Variants in ANKS1A observed in about 807,000 individuals in gnomAD.
The protein encoded by ANKS1A is ankyrin repeat and sterile alpha motif domain containing 1A, also known as ankyrin repeat and SAM domain-containing protein 1A.
Under a neutral mutation model 120.3 loss-of-function variants are expected in ANKS1A, and 55 were observed. That is an observed-to-expected ratio of 0.46 (90% CI 0.37 to 0.57). ANKS1A has a LOEUF of 0.57. ANKS1A is among the 20% of genes least tolerant of loss of function. The pLI is 0.00. For missense variants in ANKS1A, 1,123 were observed against 1,480.3 expected, an observed-to-expected ratio of 0.76 and a Z score of 3.96; for synonymous variants, 590 against 604.7, an observed-to-expected ratio of 0.98 and a Z score of 0.36.
intron 11 of ANKS1A, among the ~76,000 whole-genome samples, chr6:35,033,671 A>G (rs1019599073): frequency 6.6e-6 from 1 of 152,218 alleles, no homozygotes; most frequent in African/African-American, 2.4e-5. Context: ...GCAGGAGCTT[A>G]GTGATGGATG....
At chr6:34,901,000 T>C (rs764416673) in intron 1 of ANKS1A, among the ~76,000 whole-genome samples, 2 of 152,198 alleles carry the variant, frequency 1.3e-5, no homozygotes, top group Non-Finnish European at 2.9e-5. Flanking sequence ...AATTCTCATC[T>C]CATGTAGGTG....
downstream of ANKS1A, among the ~76,000 whole-genome samples, chr6:35,095,664 A>G (rs1561978116): frequency 3.3e-5 from 5 of 151,196 alleles, no homozygotes; most frequent in East Asian, 7.7e-4. Flanking sequence ...AAAAAAAAAA[A>G]GCTGGAGAGA....
downstream of ANKS1A, among the ~76,000 whole-genome samples, chr6:35,094,111 A>G (rs1424387406): frequency 6.6e-6 from 1 of 152,240 alleles, no homozygotes; most frequent in Non-Finnish European, 1.5e-5. Flanking sequence ...CCAACCTGGC[A>G]GTAGTATGCT....
chr6:34,967,368 C>A (rs1286424038), intron 2 of ANKS1A, 49 bp downstream of exon 2: 4 of 1,574,454 alleles, frequency 2.5e-6, no homozygotes, highest in Non-Finnish European at 2.6e-6. Context: ...AGAACCCAGG[C>A]CTTCACGTTG....
chr6:34,969,575 T>C (rs2127511550), intron 2 of ANKS1A, among the ~76,000 whole-genome samples: 1 of 152,328 alleles, frequency 6.6e-6, no homozygotes, highest in South Asian at 2.1e-4. Context: ...TTTGTTCTGC[T>C]TGGCCTCTCT....
rs1331882501 is a variant in ANKS1A, at chr6:35,082,236, G to T, written c.2710-455G>T. Among the ~76,000 whole-genome samples, 3 of 151,784 alleles carry T rather than the reference G, an allele frequency of 2.0e-5. No individual in the cohort carries two copies. The highest frequency in any genetic ancestry group is 4.4e-5 in the Non-Finnish European group (3 of 67,952). ...GGATCCATTTGGAATGCATTCCTAG[G>T]CACGGGCGGGTGCTTCACTGGCTTC... On this transcript the variant is annotated intron_variant, in intron 17 of 23. Transcript: ENST00000360359. The surrounding 1 kb of genome is among the most constrained non-coding windows in gnomAD (Gnocchi z 4.1).
chr6:35,042,412 A>T (rs558619096), intron 11 of ANKS1A, among the ~76,000 whole-genome samples: 4 of 152,230 alleles, frequency 2.6e-5, no homozygotes, highest in Non-Finnish European at 4.4e-5. Context: ...CCTAAGAATC[A>T]GTTAAGGTGT....
intron 10 of ANKS1A, among the ~76,000 whole-genome samples, chr6:34,996,784 A>AT (rs891163500): frequency 1.1e-4 from 16 of 151,436 alleles, no homozygotes; most frequent in Non-Finnish European, 1.8e-4. Context: ...AATCTTTTCT[A>AT]TTTTTTTTGC....
At chr6:34,895,308 T>C (rs531208390) in intron 1 of ANKS1A, among the ~76,000 whole-genome samples, 4 of 152,110 alleles carry the variant, frequency 2.6e-5, no homozygotes, top group Non-Finnish European at 5.9e-5. Flanking sequence ...CTCATCCTCC[T>C]GAGCTATTGG....
At chr6:35,075,415 CT>C (rs747359283) in intron 13 of ANKS1A, among the ~76,000 whole-genome samples, 279 of 129,872 alleles carry the variant, frequency 2.1e-3, no homozygotes, top group African/African-American at 5.5e-3. Flanking sequence ...GGTTAATTTT[CT>C]TTTTTTTTTT....
Position 35,090,270 on chromosome 6 carries a change from G to A in ANKS1A, c.*1661G>A, listed in dbSNP as rs1468113422. The A allele has an allele frequency of 7.8e-7, 1 of 1,289,724 alleles. No homozygotes were observed. The highest frequency in any genetic ancestry group is 2.3e-5 in the Admixed American group (1 of 43,574). 79.9% of individuals were successfully genotyped at this position (1,289,724 alleles called of 1,614,324 possible). ...ATGAGCTACCGCTGTACAGTTCTCG[G>A]CCCCGGCTTTCTTCCAAGAGTTGAC... On this transcript the variant is annotated 3_prime_UTR_variant, in exon 24 of 24. Transcript: ENST00000360359.
At position 34,928,648 on chromosome 6, in the gene ANKS1A, G is replaced by C. The variant is rs142583232; in HGVS notation, c.198-38591G>C. On this transcript the variant is annotated intron_variant, in intron 1 of 23. Transcript: ENST00000360359. ...TATTAGGAGGGTAGAGTGTTACTCT[G>C]TTTTGCAGATGAGGAAATTGAGGCA... Among the ~76,000 whole-genome samples, 148 of 151,796 alleles carry C rather than the reference G, an allele frequency of 9.7e-4. 2 individuals carry two copies. Among genetic ancestry groups the C allele is most frequent in the Admixed American group, 7.7e-3 (118 of 15,244 alleles).
chr6:35,081,679 G>A (rs142666091), intron 17 of ANKS1A, among the ~76,000 whole-genome samples: 5 of 152,218 alleles, frequency 3.3e-5, no homozygotes, highest in Admixed American at 6.5e-5. Context: ...GCAGCCCCGT[G>A]GGGGGCACCG....
In ANKS1A at chr6:35,086,198, A is replaced by C. The variant is rs2127616015; in HGVS notation, c.3303+262A>C. ...GGGCAAGGCCGTCAAGGGGCTGCAG[A>C]GAGCGGCCTGCAGGCAGCCCCCAGT... On this transcript the variant is annotated intron_variant, in intron 22 of 23. Transcript: ENST00000360359. This position sits in a 1 kb window ranked among gnomAD's most constrained non-coding sequence, Gnocchi z 5.1. The C allele has an allele frequency of 7.6e-7, 1 of 1,315,474 alleles. No homozygotes were observed. Among genetic ancestry groups the C allele is most frequent in the South Asian group, 1.3e-5 (1 of 79,034 alleles). The allele number at this position is 1,315,474 out of a possible 1,614,324, so 81.5% of individuals were successfully genotyped here.
the ANKS1A span, among the ~76,000 whole-genome samples, chr6:35,097,538 A>G: frequency 6.6e-6 from 1 of 151,914 alleles, no homozygotes; most frequent in East Asian, 1.9e-4. Flanking sequence ...TTCTAGACCA[A>G]ACAGGTGACA....
At chr6:35,019,106 A>G (rs1774196269) in intron 11 of ANKS1A, among the ~76,000 whole-genome samples, 3 of 152,128 alleles carry the variant, frequency 2.0e-5, no homozygotes, top group Admixed American at 2.0e-4. Flanking sequence ...GGAAATATGT[A>G]CCAATTTCTC....
chr6:34,908,960 AG>A (rs1165941776), intron 1 of ANKS1A, among the ~76,000 whole-genome samples: 1 of 152,218 alleles, frequency 6.6e-6, no homozygotes, highest in Non-Finnish European at 1.5e-5. Context: ...ATTTACATAC[AG>A]TTAAGCACTT....
At chr6:34,975,285 C>T (rs1303295009) in intron 3 of ANKS1A, among the ~76,000 whole-genome samples, 1 of 151,902 alleles carries the variant, frequency 6.6e-6, no homozygotes, top group Non-Finnish European at 1.5e-5. Context: ...AAAACCCCAT[C>T]TCCACTAAAA....
chr6:35,084,197 A>G lies in ANKS1A; in HGVS notation c.3071A>G (p.Tyr1024Cys). Residue 1024 changes from tyrosine to cysteine, a missense_variant, in exon 21 of 24, where the codon TAC becomes TGC. Around this residue, in one of 3 missense-constraint regions of ANKS1A, gnomAD observed 904 missense variants for 1,130.4 expected, o/e 0.80. Transcript: ENST00000360359. The surrounding 1 kb of genome is among the most constrained non-coding windows in gnomAD (Gnocchi z 4.8). ...QDPEDLCTFA[Y>C]ITKDLQTSHH... ...CCGGAGGACCTCTGTACCTTTGCCTACATCACCAAGGACCTGCAGACCAGC... is the reference window on the plus strand; with the variant it reads ...CCGGAGGACCTCTGTACCTTTGCCTGCATCACCAAGGACCTGCAGACCAGC... 1.2e-6 allele frequency: 2 copies of G among 1,614,138 alleles called. No homozygotes were observed. Among genetic ancestry groups the G allele is most frequent in the Non-Finnish European group, 1.7e-6 (2 of 1,180,002 alleles).
Sources: allele counts gnomAD v4.1 joint callset (sites outside exome capture counted in the v4.1 genomes callset), GRCh38; gene constraint gnomAD v4.1.1; regional missense constraint gnomAD v4.1.1; non-coding constraint Gnocchi (gnomAD v3.1); transcripts MANE v1.5; gene names NCBI Gene and HGNC (gene_info 2026-07-23, HGNC 2026-07-21).